TANGO6: variants seen among roughly 807,000 people sequenced by gnomAD.
TANGO6 encodes the protein transport and Golgi organization protein 6 homolog.
TANGO6 carries 90 observed loss-of-function variants against 114.2 expected under a neutral mutation model. That is an observed-to-expected ratio of 0.79 (90% CI 0.66 to 0.94). The LOEUF is 0.94. Ranked by LOEUF, TANGO6 falls within the 40% of genes least tolerant of loss-of-function variation. TANGO6 has a pLI of 0.00. For missense variants in TANGO6, 1,274 were observed against 1,315.3 expected (o/e 0.97, Z 0.49); for synonymous variants, 477 against 509.8 (o/e 0.94, Z 0.87).
chr16:69,040,250 T>G (rs927520953), intron 16 of TANGO6, 58 bp from the exon 17 acceptor site: 3 of 1,427,314 alleles, frequency 2.1e-6, no homozygotes, highest in Non-Finnish European at 2.9e-6. Flanking sequence ...AGTTGAAAGG[T>G]TATAGGTAAT....
chr16:68,954,777 A>G (rs1364530755), intron 14 of TANGO6, among the ~76,000 whole-genome samples: 4 of 152,234 alleles, frequency 2.6e-5, no homozygotes, highest in Non-Finnish European at 4.4e-5. Context: ...TAAAAAGGTA[A>G]AAAACCATAT....
At chr16:68,947,258 C>G (rs1597032358) in intron 14 of TANGO6, among the ~76,000 whole-genome samples, 3 of 152,162 alleles carry the variant, frequency 2.0e-5, no homozygotes, top group East Asian at 3.9e-4. Flanking sequence ...GAAATCAAGA[C>G]CATCCTGGCC....
At chr16:69,011,869 A>G (rs1268812545) in intron 15 of TANGO6, among the ~76,000 whole-genome samples, 18 of 152,248 alleles carry the variant, frequency 1.2e-4, no homozygotes, top group Non-Finnish European at 2.6e-4. Flanking sequence ...GAAAAGCTTA[A>G]TGAAAAATCT....
chr16:68,884,188 G>A (rs900687821), intron 7 of TANGO6, among the ~76,000 whole-genome samples: 1 of 152,140 alleles, frequency 6.6e-6, no homozygotes, highest in Non-Finnish European at 1.5e-5. Flanking sequence ...GGGATTACAG[G>A]CATAAGCCAC....
chr16:69,049,079 T>C (rs1247948213), intron 17 of TANGO6, among the ~76,000 whole-genome samples: 2 of 152,220 alleles, frequency 1.3e-5, no homozygotes, highest in Admixed American at 1.3e-4. Context: ...TGTTTCTTAA[T>C]TTGAGACATA....
Position 68,879,925 on chromosome 16 carries a change from A to G in TANGO6, c.1295-623A>G, listed in dbSNP as rs1008284237. On this transcript the variant is annotated intron_variant, in intron 6 of 17. Transcript: ENST00000261778. ...GCCACCACACCTGGCCAACTCTGCC[A>G]TTTTCATTTCATCCAATCCCCAATT... Among the ~76,000 whole-genome samples, 5 of 150,562 alleles carry G rather than the reference A, an allele frequency of 3.3e-5. No individual in the cohort carries two copies. In the East Asian group the frequency reaches 9.9e-4, roughly 30 times the overall value.
In TANGO6 at chr16:68,860,528, A is replaced by C. The variant is rs757360359; in HGVS notation, c.735+4A>C. On this transcript the variant is annotated splice_donor_region_variant and intron_variant, in intron 2 of 17. Transcript: ENST00000261778. ...ACTGCTAACACCTGCAGAAGAGGTA[A>C]ATATACATTGAGAAAGAGAGAGGGA... 5.4e-5 allele frequency: 87 copies of C among 1,609,414 alleles called. No individual in the cohort carries two copies. The highest frequency in any genetic ancestry group is 5.3e-5 in the Non-Finnish European group (62 of 1,176,584).
At chr16:68,974,675 C>CA (rs989226440) in intron 15 of TANGO6, among the ~76,000 whole-genome samples, 2 of 151,376 alleles carry the variant, frequency 1.3e-5, no homozygotes, top group South Asian at 2.1e-4. Context: ...ATAACAACAA[C>CA]AAAAAAAACT....
At chr16:68,867,022 C>T (rs990073648) in intron 3 of TANGO6, 57 bp from the exon 4 acceptor site, 13 of 1,369,038 alleles carry the variant, frequency 9.5e-6, no homozygotes, top group Admixed American at 2.3e-5. Flanking sequence ...CCACTACGCC[C>T]GGCCATCATA....
At chr16:68,868,713 G>A (rs765753128) in intron 4 of TANGO6, among the ~76,000 whole-genome samples, 10 of 151,812 alleles carry the variant, frequency 6.6e-5, no homozygotes, top group Non-Finnish European at 1.2e-4. Context: ...TAGTCAGGAT[G>A]GTCTTGATCT....
intron 1 of TANGO6, among the ~76,000 whole-genome samples, chr16:68,848,436 C>G (rs1393640772): frequency 1.3e-5 from 2 of 151,754 alleles, no homozygotes; most frequent in Non-Finnish European, 2.9e-5. Context: ...TATTATTTTT[C>G]CTTTTTACAA....
intron 17 of TANGO6, among the ~76,000 whole-genome samples, chr16:69,077,387 G>A (rs866964888): frequency 2.6e-5 from 4 of 152,068 alleles, no homozygotes; most frequent in East Asian, 3.9e-4. Flanking sequence ...TGTTTCAGTC[G>A]ACATTCTTAG....
rs60702668 is a variant in TANGO6 at position 69,074,798 on chromosome 16, CTGTGTGTGTGTGTGTGTG to C, written c.3109-8663_3109-8646del. On this transcript the variant is annotated intron_variant, in intron 17 of 17. Transcript: ENST00000261778. ...AATGGAGTCACTCTGGTTCGAATGC[CTGTGTGTGTGTGTGTGTG>C]TGTGTGTGTGTGTGTGTGTGTGTAT... Among the ~76,000 whole-genome samples, 448 of 135,246 alleles carry C rather than the reference CTGTGTGTGTGTGTGTGTG, an allele frequency of 3.3e-3. 6 individuals are homozygous for C. Among genetic ancestry groups the C allele is most frequent in the East Asian group, 0.016 (73 of 4,498 alleles). The allele number at this position is 135,246 out of a possible 152,430, so 88.7% of individuals were successfully genotyped here. A position where few individuals can be genotyped will look rare whatever the true frequency, so the allele number is the denominator to read the frequency against.
At chr16:69,047,180 CA>C (rs11435479) in intron 17 of TANGO6, among the ~76,000 whole-genome samples, 11,738 of 104,494 alleles carry the variant, frequency 0.11, 478 homozygotes, top group African/African-American at 0.12. Flanking sequence ...GACTCTGTCT[CA>C]AAAAAAAAAA....
intron 15 of TANGO6, among the ~76,000 whole-genome samples, chr16:68,981,982 T>C (rs1223684563): frequency 6.6e-6 from 1 of 152,234 alleles, no homozygotes; most frequent in Non-Finnish European, 1.5e-5. Context: ...TCTTTGGCAA[T>C]GTCTGGAGAC....
At chr16:68,955,629 A>G (rs71395889) in intron 14 of TANGO6, among the ~76,000 whole-genome samples, 1 of 152,224 alleles carries the variant, frequency 6.6e-6, no homozygotes, top group Admixed American at 6.5e-5. Flanking sequence ...CAGTGAGACA[A>G]CAGTATAAAG....
intron 2 of TANGO6, among the ~76,000 whole-genome samples, chr16:68,861,617 C>G (rs1223823024): frequency 6.6e-6 from 1 of 152,052 alleles, no homozygotes; most frequent in East Asian, 1.9e-4. Flanking sequence ...AAACTGTGCC[C>G]AGGGATCTCA....
chr16:68,860,630 TGGATATGCCA>T, intron 2 of TANGO6, 106 bp downstream of exon 2: 2 of 1,381,648 alleles, frequency 1.4e-6, no homozygotes, highest in Non-Finnish European at 1.9e-6. Context: ...TCTTCAGAAC[TGGATATGCCA>T]AAGCATATCC....
At chr16:69,064,198 C>G (rs775291753) in intron 17 of TANGO6, among the ~76,000 whole-genome samples, 1 of 152,108 alleles carries the variant, frequency 6.6e-6, no homozygotes, top group Non-Finnish European at 1.5e-5. Context: ...CCATGCCATG[C>G]GTATATTAGC....
Sources: gnomAD v4.1 joint callset for allele counts (sites outside exome capture counted in the v4.1 genomes callset) on GRCh38, gnomAD v4.1.1 for gene constraint, MANE v1.5 for transcripts, NCBI Gene and HGNC (gene_info 2026-07-23, HGNC 2026-07-21) for gene names.